CDH20: variants seen among roughly 807,000 people sequenced by gnomAD.
The protein encoded by CDH20 is cadherin 20.
Under a neutral mutation model 74.2 loss-of-function variants are expected in CDH20, and 29 were observed. The observed-to-expected ratio is 0.39, with a 90% CI of 0.29 to 0.53. The LOEUF is 0.53. Ranked by LOEUF, CDH20 falls within the 20% of genes least tolerant of loss-of-function variation. The probability of loss-of-function intolerance (pLI) is 0.69; values close to 1 mark genes in which losing one functional copy is unlikely to be tolerated. For synonymous variants in CDH20, 469 were observed against 405.4 expected (o/e 1.16, Z -1.88); for missense variants, 988 against 1,048.3 (o/e 0.94, Z 0.79).
intron 1 of CDH20, among the ~76,000 whole-genome samples, chr18:61,375,466 A>G (rs1911189763): frequency 6.6e-6 from 1 of 152,162 alleles, no homozygotes; most frequent in Admixed American, 6.6e-5. Flanking sequence ...TGCCATGCTG[A>G]ATGCAGTGAA....
chr18:61,491,806 C>G (rs1317571768), intron 2 of CDH20, among the ~76,000 whole-genome samples: 1 of 152,028 alleles, frequency 6.6e-6, no homozygotes. Flanking sequence ...GTCACAACCT[C>G]AGACACTGCT....
chr18:61,369,965 C>T (rs7245258), intron 1 of CDH20, among the ~76,000 whole-genome samples: 135,039 of 152,064 alleles, frequency 0.89, 60,533 homozygotes, highest in East Asian at 0.98. Flanking sequence ...TAATGGGTAC[C>T]AGGCTTAATA....
chr18:61,555,510 A>G lies in CDH20; in HGVS notation c.*815A>G. 3 of 985,466 alleles carry G rather than the reference A, an allele frequency of 3.0e-6. No homozygotes were observed. The highest frequency in any genetic ancestry group is 3.6e-6 in the Non-Finnish European group (3 of 829,946). The allele number at this position is 985,466 out of a possible 1,614,324, so 61.0% of individuals were successfully genotyped here. A position where few individuals can be genotyped will look rare whatever the true frequency, so the allele number is the denominator to read the frequency against. ...TCCATGTGCCAAATGTGGAGATTAG[A>G]TGCTACAAATGAAAGCCAAATAAAA... is the stretch of plus-strand genomic sequence containing the variant. On this transcript the variant is annotated 3_prime_UTR_variant, in exon 12 of 12. Transcript: ENST00000262717.
intron 10 of CDH20, among the ~76,000 whole-genome samples, chr18:61,547,947 T>TATAAAA (rs1913309895): frequency 6.6e-6 from 1 of 152,200 alleles, no homozygotes. Flanking sequence ...TATAATACTT[T>TATAAAA]TATGAATTTC....
At chr18:61,422,080 T>G (rs1339088388) in intron 1 of CDH20, among the ~76,000 whole-genome samples, 1 of 152,180 alleles carries the variant, frequency 6.6e-6, no homozygotes, top group Non-Finnish European at 1.5e-5. Context: ...TGGCTTCTAG[T>G]CCATGCATTC....
intron 1 of CDH20, among the ~76,000 whole-genome samples, chr18:61,449,449 G>A (rs1909309585): frequency 6.6e-6 from 1 of 151,966 alleles, no homozygotes; most frequent in Non-Finnish European, 1.5e-5. Context: ...TATATATATT[G>A]TCTCTGATTC....
rs529480701 is a variant in CDH20, at chr18:61,339,710, T to C, written c.-153+5883T>C. On this transcript the variant is annotated intron_variant, in intron 1 of 11. Transcript: ENST00000262717. ...TTTTTTTTTTTTTTTTTTTTTGAGA[T>C]GGAGTCTCGCTCTGTCGCCTAGGCT... Among the ~76,000 whole-genome samples the C allele has an allele frequency of 4.9e-4, 69 of 140,272 alleles. 2 individuals are homozygous for C. The highest frequency in any genetic ancestry group is 2.7e-3 in the South Asian group (12 of 4,424). The allele number at this position is 140,272 out of a possible 152,430, so 92.0% of individuals were successfully genotyped here. A position where few individuals can be genotyped will look rare whatever the true frequency, so the allele number is the denominator to read the frequency against.
At chr18:61,427,359 G>C (rs1040016200) in intron 1 of CDH20, among the ~76,000 whole-genome samples, 2 of 152,218 alleles carry the variant, frequency 1.3e-5, no homozygotes, top group East Asian at 3.9e-4. Flanking sequence ...ATAGCAAAGT[G>C]AGGAACAGAG....
At chr18:61,469,297 TGTC>T (rs1910074859) in intron 1 of CDH20, among the ~76,000 whole-genome samples, 1 of 151,992 alleles carries the variant, frequency 6.6e-6, no homozygotes, top group Non-Finnish European at 1.5e-5. Flanking sequence ...TAGCTCCTCA[TGTC>T]GTCTACTTCC....
At chr18:61,550,473 A>C (rs527827555) in intron 11 of CDH20, among the ~76,000 whole-genome samples, 6 of 152,374 alleles carry the variant, frequency 3.9e-5, no homozygotes, top group East Asian at 1.9e-4. Flanking sequence ...GGGGCACCAC[A>C]CAAGGTGCTA....
At chr18:61,452,671 T>A (rs17068319) in intron 1 of CDH20, among the ~76,000 whole-genome samples, 60,913 of 151,656 alleles carry the variant, frequency 0.4, 13,022 homozygotes, top group Admixed American at 0.55. Flanking sequence ...GCCCCAAATA[T>A]GCACCAGTCT....
At chr18:61,487,625 T>C (rs1173739470) in intron 1 of CDH20, among the ~76,000 whole-genome samples, 1 of 152,186 alleles carries the variant, frequency 6.6e-6, no homozygotes, top group Non-Finnish European at 1.5e-5. Flanking sequence ...AAGTCACCTT[T>C]GTACGTGTTC....
At chr18:61,469,366 C>CAT (rs1235549273) in intron 1 of CDH20, among the ~76,000 whole-genome samples, 1 of 72,746 alleles carries the variant, frequency 1.4e-5, no homozygotes, top group Non-Finnish European at 2.6e-5. Flanking sequence ...AGAATGAATA[C>CAT]ACACACACAC....
chr18:61,488,935 C>T (rs1469046778), intron 1 of CDH20, among the ~76,000 whole-genome samples: 1 of 152,198 alleles, frequency 6.6e-6, no homozygotes, highest in Non-Finnish European at 1.5e-5. Context: ...AGAGAGAGAA[C>T]AGCTAATATT....
chr18:61,342,122 A>C lies in CDH20; in HGVS notation c.-153+8295A>C, dbSNP rs562984056. ...TCAAATTGTTTCGAGTTGTTTCTTT[A>C]AACACAGGAAAACAACAGATTTCTT... On this transcript the variant is annotated intron_variant, in intron 1 of 11. Transcript: ENST00000262717. Among the ~76,000 whole-genome samples the C allele has an allele frequency of 3.9e-5, 6 of 152,360 alleles. No homozygotes were observed. In the South Asian group the frequency reaches 1.2e-3, roughly 32 times the overall value.
At chr18:61,360,793 C>T (rs933750777) in intron 1 of CDH20, among the ~76,000 whole-genome samples, 2 of 152,212 alleles carry the variant, frequency 1.3e-5, no homozygotes, top group African/African-American at 4.8e-5. Flanking sequence ...CACCACTTGC[C>T]CCAAGGCTGG....
intron 1 of CDH20, among the ~76,000 whole-genome samples, chr18:61,356,260 CA>C (rs1248110475): frequency 6.6e-6 from 1 of 152,184 alleles, no homozygotes; most frequent in Non-Finnish European, 1.5e-5. Flanking sequence ...CAATGTGCAG[CA>C]AATGTATGCA....
At chr18:61,504,990 T>A (rs1911509627) in intron 5 of CDH20, among the ~76,000 whole-genome samples, 1 of 152,158 alleles carries the variant, frequency 6.6e-6, no homozygotes, top group Non-Finnish European at 1.5e-5. Flanking sequence ...CAGAACAGTT[T>A]GTGAAATGCC....
intron 6 of CDH20, 108 bp from the exon 7 acceptor site, chr18:61,527,859 T>G: frequency 9.9e-7 from 1 of 1,010,744 alleles, no homozygotes; most frequent in African/African-American, 1.6e-5. Context: ...CTTAATGAAT[T>G]GGAGAATCTT....
Sources: allele counts gnomAD v4.1 joint callset (sites outside exome capture counted in the v4.1 genomes callset), GRCh38; gene constraint gnomAD v4.1.1; transcripts MANE v1.5; gene names NCBI Gene and HGNC (gene_info 2026-07-23, HGNC 2026-07-21).